The following PDZRN4 variants were observed in gnomAD, a reference collection of about 807,000 sequenced individuals.
PDZRN4 encodes PDZ domain containing ring finger 4, also known as PDZ domain-containing RING finger protein 4.
Under a neutral mutation model 99.0 loss-of-function variants are expected in PDZRN4, and 70 were observed. The observed-to-expected ratio is 0.71, with a 90% CI of 0.58 to 0.86. The LOEUF (loss-of-function observed/expected upper bound fraction) is 0.86, where lower values mean the gene tolerates loss of function less well. Ranked by LOEUF, PDZRN4 falls within the 40% of genes least tolerant of loss-of-function variation. PDZRN4 has a pLI of 0.00. For synonymous variants in PDZRN4, 551 were observed against 501.6 expected (o/e 1.10, Z -1.32); for missense variants, 1,474 against 1,331.2 (o/e 1.11, Z -1.67).
chr12:41,533,671 T>C (rs1226745830), intron 5 of PDZRN4, among the ~76,000 whole-genome samples: 1 of 152,240 alleles, frequency 6.6e-6, no homozygotes, highest in Non-Finnish European at 1.5e-5. Context: ...AAGCTTCTAA[T>C]TACAGGTGTT....
intron 3 of PDZRN4, among the ~76,000 whole-genome samples, chr12:41,254,874 C>A (rs188336330): frequency 6.6e-6 from 1 of 152,114 alleles, no homozygotes; most frequent in Non-Finnish European, 1.5e-5. Context: ...TCACTTAAGG[C>A]CAAGAGTTCT....
At chr12:41,375,818 A>G (rs115607468) in intron 3 of PDZRN4, among the ~76,000 whole-genome samples, 5,028 of 152,178 alleles carry the variant, frequency 0.033, 119 homozygotes, top group African/African-American at 0.071. Flanking sequence ...AATGTAAAAT[A>G]CAGTATTGTT....
intron 5 of PDZRN4, among the ~76,000 whole-genome samples, chr12:41,515,933 C>G (rs980013201): frequency 2.6e-5 from 4 of 151,816 alleles, no homozygotes; most frequent in Admixed American, 1.3e-4. Context: ...TCCTTGGAAC[C>G]CTCTCACCAC....
At chr12:41,503,541 T>C (rs1031748382) in intron 3 of PDZRN4, among the ~76,000 whole-genome samples, 2 of 152,202 alleles carry the variant, frequency 1.3e-5, no homozygotes, top group Admixed American at 1.3e-4. Context: ...CAGAAAAAAC[T>C]ATACTCTTCT....
At chr12:41,309,113 G>T (rs1951589423) in intron 3 of PDZRN4, among the ~76,000 whole-genome samples, 1 of 152,050 alleles carries the variant, frequency 6.6e-6, no homozygotes, top group African/African-American at 2.4e-5. Context: ...GAAAATATAG[G>T]ATCTGATGTT....
At chr12:41,568,329 G>T (rs953347279) in intron 9 of PDZRN4, among the ~76,000 whole-genome samples, 1 of 152,168 alleles carries the variant, frequency 6.6e-6, no homozygotes. Flanking sequence ...AAGATGACAT[G>T]ATGTAAGCCA....
intron 3 of PDZRN4, among the ~76,000 whole-genome samples, chr12:41,433,554 G>A (rs1259821940): frequency 6.6e-6 from 1 of 152,224 alleles, no homozygotes; most frequent in African/African-American, 2.4e-5. Context: ...GTCAAGGTAG[G>A]TGGCAGGCAG....
At chr12:41,354,567 G>A (rs1951913572) in intron 3 of PDZRN4, among the ~76,000 whole-genome samples, 1 of 151,882 alleles carries the variant, frequency 6.6e-6, no homozygotes, top group Non-Finnish European at 1.5e-5. Context: ...CATAAATGAA[G>A]GAGAACAAGA....
At chr12:41,562,166 G>T (rs1939281331) in intron 7 of PDZRN4, among the ~76,000 whole-genome samples, 1 of 152,114 alleles carries the variant, frequency 6.6e-6, no homozygotes, top group African/African-American at 2.4e-5. Flanking sequence ...AGTGAGAAAT[G>T]ACAGTGATTG....
chr12:41,437,692 T>TC, intron 3 of PDZRN4: 1 of 1,340,742 alleles, frequency 7.5e-7, no homozygotes, highest in South Asian at 1.7e-5. Flanking sequence ...GACGGGGGAG[T>TC]GTTGCCATGA....
intron 3 of PDZRN4, among the ~76,000 whole-genome samples, chr12:41,422,736 G>T (rs1005541209): frequency 6.6e-6 from 1 of 152,030 alleles, no homozygotes; most frequent in African/African-American, 2.4e-5. Flanking sequence ...CGACATGTGG[G>T]GATTGTAATT....
chr12:41,288,614 T>G (rs1202524390), intron 3 of PDZRN4, among the ~76,000 whole-genome samples: 1 of 151,540 alleles, frequency 6.6e-6, no homozygotes, highest in African/African-American at 2.4e-5. Context: ...ACCCTGACTC[T>G]TAGTTATCTT....
intron 3 of PDZRN4, among the ~76,000 whole-genome samples, chr12:41,277,973 A>C (rs1052626210): frequency 2.3e-4 from 35 of 152,216 alleles, no homozygotes; most frequent in Non-Finnish European, 3.8e-4. Flanking sequence ...CAAAGAATTT[A>C]AGGCTAATGG....
chr12:41,540,868 T>C (rs1938839196), intron 5 of PDZRN4, among the ~76,000 whole-genome samples: 1 of 113,472 alleles, frequency 8.8e-6, no homozygotes, highest in African/African-American at 3.6e-5. Context: ...TTCTTCGTTG[T>C]TGTTGTTGTT....
At chr12:41,483,987 G>GA (rs1192565722) in intron 3 of PDZRN4, among the ~76,000 whole-genome samples, 3 of 151,924 alleles carry the variant, frequency 2.0e-5, no homozygotes, top group East Asian at 1.9e-4. Context: ...ATTCCATTCT[G>GA]AAAAAAATCA....
chr12:41,444,038 A>G (rs1480881431), intron 3 of PDZRN4, among the ~76,000 whole-genome samples: 1 of 152,140 alleles, frequency 6.6e-6, no homozygotes, highest in Non-Finnish European at 1.5e-5. Flanking sequence ...AGGAAGGAAA[A>G]TAAGCAGAAA....
At position 41,189,086 on chromosome 12, in the gene PDZRN4, G is replaced by C. The variant is rs758037133; in HGVS notation, c.631G>C (p.Gly211Arg). 36 of 1,581,926 alleles carry C rather than the reference G, an allele frequency of 2.3e-5. No individual in the cohort carries two copies. Among genetic ancestry groups the C allele is most frequent in the Non-Finnish European group, 2.9e-5 (34 of 1,172,312 alleles). Reference protein sequence around the residue: ...AHVRNFVGDLGGGHRRDGEHK... With the variant: ...AHVRNFVGDLRGGHRRDGEHK... ...CGTCCGCAACTTCGTCGGCGACCTC[G>C]GTGGCGGCCACCGCAGGGTAAGCAA... Residue 211 changes from glycine (G) to arginine (R), a missense_variant, in exon 1 of 10, where the codon GGT becomes CGT. Gly to Arg is a moderately radical substitution (Grantham distance 125, BLOSUM62 -2). Coordinates refer to ENST00000402685, the MANE Select transcript of PDZRN4 (RefSeq NM_001164595.2).
At chr12:41,393,489 C>CT (rs1952224790) in intron 3 of PDZRN4, among the ~76,000 whole-genome samples, 1 of 137,150 alleles carries the variant, frequency 7.3e-6, no homozygotes, top group Admixed American at 7.4e-5. Context: ...CAGGAAAGAT[C>CT]TAGAAACCCT....
At chr12:41,383,234 A>C (rs1375105347) in intron 3 of PDZRN4, among the ~76,000 whole-genome samples, 2 of 152,166 alleles carry the variant, frequency 1.3e-5, no homozygotes, top group African/African-American at 4.8e-5. Context: ...CTATTTCATC[A>C]GTTTTTGCCA....
Sources: gnomAD v4.1 joint callset for allele counts (sites outside exome capture counted in the v4.1 genomes callset) on GRCh38, gnomAD v4.1.1 for gene constraint, MANE v1.5 for transcripts, NCBI Gene and HGNC (gene_info 2026-07-23, HGNC 2026-07-21) for gene names.